The following NPAS3 variants were observed in gnomAD, a reference collection of about 807,000 sequenced individuals.
The protein encoded by NPAS3 is neuronal PAS domain protein 3.
Under a neutral mutation model 73.1 loss-of-function variants are expected in NPAS3, and 14 were observed. That is an observed-to-expected ratio of 0.19 (90% CI 0.13 to 0.30). The LOEUF is 0.30. Among genes scored for constraint, NPAS3 ranks in the 10% least tolerant of loss-of-function variants. The probability of loss-of-function intolerance (pLI) is 1.00; values close to 1 mark genes in which losing one functional copy is unlikely to be tolerated. For synonymous variants in NPAS3, 620 were observed against 541.5 expected (o/e 1.14, Z -2.01); for missense variants, 1,096 against 1,250.0 (o/e 0.88, Z 1.86).
chr14:33,313,876 G>A (rs796979955), intron 3 of NPAS3, among the ~76,000 whole-genome samples: 16 of 152,130 alleles, frequency 1.1e-4, no homozygotes, highest in African/African-American at 3.9e-4. Flanking sequence ...ACACTGCTAA[G>A]TGTTTTTTTA....
chr14:33,155,544 C>T (rs1043139000), intron 2 of NPAS3, among the ~76,000 whole-genome samples: 2 of 152,158 alleles, frequency 1.3e-5, no homozygotes, highest in Non-Finnish European at 2.9e-5. Flanking sequence ...GCATGAGCCA[C>T]TATGCTTGGC....
intron 4 of NPAS3, among the ~76,000 whole-genome samples, chr14:33,373,040 A>G (rs766758877): frequency 6.6e-5 from 10 of 152,184 alleles, no homozygotes; most frequent in Non-Finnish European, 1.5e-5. Flanking sequence ...GGATATTTGT[A>G]TTTTACCTTA....
At chr14:33,287,604 A>T (rs2041930144) in intron 3 of NPAS3, among the ~76,000 whole-genome samples, 1 of 152,022 alleles carries the variant, frequency 6.6e-6, no homozygotes, top group Non-Finnish European at 1.5e-5. Flanking sequence ...TATTCCCTCC[A>T]CCTGCATCCC....
intron 4 of NPAS3, among the ~76,000 whole-genome samples, chr14:33,407,011 AC>A (rs1260394480): frequency 1.3e-5 from 2 of 152,148 alleles, no homozygotes; most frequent in African/African-American, 4.8e-5. Context: ...CCCTGCTGAG[AC>A]TGAGAAGATT....
intron 6 of NPAS3, among the ~76,000 whole-genome samples, chr14:33,691,388 C>T (rs1316116088): frequency 6.6e-6 from 1 of 152,074 alleles, no homozygotes; most frequent in Non-Finnish European, 1.5e-5. Context: ...TTCACAATGC[C>T]GTAAATACAT....
intron 2 of NPAS3, among the ~76,000 whole-genome samples, chr14:33,165,849 T>C (rs558350252): frequency 6.6e-6 from 1 of 152,312 alleles, no homozygotes; most frequent in South Asian, 2.1e-4. Context: ...TAGGAATCCA[T>C]ATTCGGGGGC....
intron 7 of NPAS3, among the ~76,000 whole-genome samples, chr14:33,772,680 C>T (rs1171117291): frequency 1.3e-5 from 2 of 152,154 alleles, no homozygotes; most frequent in Non-Finnish European, 2.9e-5. Context: ...GTTAACACCC[C>T]TCCTGTGAAG....
intron 1 of NPAS3, among the ~76,000 whole-genome samples, chr14:33,001,870 G>A (rs1000007928): frequency 1.3e-5 from 2 of 152,092 alleles, no homozygotes; most frequent in African/African-American, 4.8e-5. Flanking sequence ...TCCTCAGCCT[G>A]TACCTAAAGA....
chr14:33,236,881 C>T (rs1009709701), intron 3 of NPAS3, among the ~76,000 whole-genome samples: 2 of 152,014 alleles, frequency 1.3e-5, no homozygotes, highest in African/African-American at 4.8e-5. Flanking sequence ...TATACTGAAC[C>T]TGTCTTAGCT....
chr14:33,281,439 T>G (rs897150897), intron 3 of NPAS3, among the ~76,000 whole-genome samples: 9 of 152,252 alleles, frequency 5.9e-5, no homozygotes, highest in Middle Eastern at 3.4e-3. Context: ...GAGACCAGCC[T>G]GGGCAACATG....
At chr14:33,286,717 TA>T (rs1226839270) in intron 3 of NPAS3, among the ~76,000 whole-genome samples, 1 of 152,180 alleles carries the variant, frequency 6.6e-6, no homozygotes, top group East Asian at 1.9e-4. Flanking sequence ...TTTTATTAGG[TA>T]GTCTCTAAGT....
At chr14:33,084,759 T>C (rs1030259419) in intron 2 of NPAS3, among the ~76,000 whole-genome samples, 9 of 151,954 alleles carry the variant, frequency 5.9e-5, no homozygotes, top group African/African-American at 1.9e-4. Context: ...GGCCGTGAAA[T>C]TGATGATGAA....
chr14:33,477,516 C>G (rs187077846), intron 4 of NPAS3, among the ~76,000 whole-genome samples: 2 of 152,164 alleles, frequency 1.3e-5, no homozygotes, highest in East Asian at 3.9e-4. Flanking sequence ...ACAGAACATA[C>G]GTACTCATGC....
At chr14:33,455,621 G>T (rs551263898) in intron 4 of NPAS3, among the ~76,000 whole-genome samples, 8 of 152,232 alleles carry the variant, frequency 5.3e-5, no homozygotes, top group Non-Finnish European at 7.3e-5. Context: ...GAATATTACA[G>T]ATGCAGCTAT....
At chr14:32,992,058 C>G (rs2038356889) in intron 1 of NPAS3, among the ~76,000 whole-genome samples, 1 of 152,128 alleles carries the variant, frequency 6.6e-6, no homozygotes, top group Admixed American at 6.5e-5. Flanking sequence ...TAGAAGGGGC[C>G]CAGTGAGCCT....
intron 2 of NPAS3, among the ~76,000 whole-genome samples, chr14:33,075,240 C>G (rs2041617919): frequency 6.6e-6 from 1 of 152,114 alleles, no homozygotes. Flanking sequence ...ACAGGATTTT[C>G]TTAGGGTCCC....
intron 1 of NPAS3, among the ~76,000 whole-genome samples, chr14:32,980,388 A>C (rs75027267): frequency 0.015 from 2,286 of 152,272 alleles, 63 homozygotes; most frequent in African/African-American, 0.052. Flanking sequence ...ATTGATTGAC[A>C]TGTCTCTGTT....
intron 5 of NPAS3, among the ~76,000 whole-genome samples, chr14:33,567,694 G>C (rs192184227): frequency 6.6e-6 from 1 of 152,204 alleles, no homozygotes; most frequent in African/African-American, 2.4e-5. Flanking sequence ...AATGCACTGC[G>C]TGGGGATGTT....
intron 5 of NPAS3, among the ~76,000 whole-genome samples, chr14:33,675,024 C>G (rs1471626327): frequency 6.6e-6 from 1 of 152,004 alleles, no homozygotes; most frequent in African/African-American, 2.4e-5. Context: ...TGGAAATTAT[C>G]CTGGAAAGGG....
Sources: gnomAD v4.1 joint callset for allele counts (sites outside exome capture counted in the v4.1 genomes callset) on GRCh38, gnomAD v4.1.1 for gene constraint, MANE v1.5 for transcripts, NCBI Gene and HGNC (gene_info 2026-07-23, HGNC 2026-07-21) for gene names.